The following LARGE1 variants were observed in gnomAD, a reference collection of about 807,000 sequenced individuals.
LARGE1 encodes xylosyl- and glucuronyltransferase LARGE1.
LARGE1 carries 43 observed loss-of-function variants against 87.6 expected under a neutral mutation model. The ratio of observed to expected loss-of-function variants is 0.49; its 90% confidence interval spans 0.38 to 0.63. The LOEUF (loss-of-function observed/expected upper bound fraction) is 0.63. LARGE1 is among the 30% of genes least tolerant of loss of function. LARGE1 has a pLI of 0.00. For missense variants in LARGE1, 802 were observed against 1,000.2 expected, an observed-to-expected ratio of 0.80 and a Z score of 2.67; for synonymous variants, 434 against 394.6, an observed-to-expected ratio of 1.10 and a Z score of -1.18.
chr22:33,524,452 A>G (rs558935127), intron 6 of LARGE1, among the ~76,000 whole-genome samples: 2 of 152,204 alleles, frequency 1.3e-5, no homozygotes, highest in African/African-American at 4.8e-5. Context: ...GTTTCTTAGT[A>G]CAGGATCAGA....
intron 2 of LARGE1, among the ~76,000 whole-genome samples, chr22:33,659,744 T>TAA (rs71187276): frequency 0.033 from 4,047 of 122,002 alleles, 229 homozygotes; most frequent in African/African-American, 0.1. Flanking sequence ...GAAGAACAGT[T>TAA]AAAAAAAAAA....
At chr22:33,846,527 A>G (rs1374658659) in intron 1 of LARGE1, among the ~76,000 whole-genome samples, 1 of 152,252 alleles carries the variant, frequency 6.6e-6, no homozygotes, top group Non-Finnish European at 1.5e-5. Context: ...GATAACAGCA[A>G]TTGTTCAGGG....
intron 6 of LARGE1, among the ~76,000 whole-genome samples, chr22:33,435,115 C>A (rs545863322): frequency 6.6e-5 from 10 of 152,226 alleles, no homozygotes; most frequent in African/African-American, 2.4e-4. Context: ...GATTCTCCTG[C>A]CTCAGCCTCC....
intron 2 of LARGE1, among the ~76,000 whole-genome samples, chr22:33,710,197 A>T (rs2082691243): frequency 6.6e-6 from 1 of 152,152 alleles, no homozygotes; most frequent in Non-Finnish European, 1.5e-5. Flanking sequence ...GAGATTGAAA[A>T]AAAAAAACAA....
At chr22:33,515,648 C>T (rs187242820) in intron 6 of LARGE1, among the ~76,000 whole-genome samples, 1 of 152,324 alleles carries the variant, frequency 6.6e-6, no homozygotes, top group East Asian at 1.9e-4. Context: ...GAAACCCCCT[C>T]ATTTTATACA....
chr22:33,714,194 C>T (rs2082843162), intron 2 of LARGE1, among the ~76,000 whole-genome samples: 1 of 152,148 alleles, frequency 6.6e-6, no homozygotes, highest in East Asian at 1.9e-4. Context: ...TGTTGCCCCT[C>T]TTCCATCACA....
At position 33,570,168 on chromosome 22, in the gene LARGE1, T is replaced by C. The variant is rs1313380194; in HGVS notation, c.616-5149A>G. 2.6e-5 allele frequency among the ~76,000 whole-genome samples: 4 copies of C among 152,158 alleles called. No homozygotes were observed. In the South Asian group the frequency reaches 6.2e-4, roughly 24 times the overall value. On this transcript the variant is annotated intron_variant, in intron 5 of 14. Coordinates refer to ENST00000397394, the MANE Select transcript of LARGE1 (RefSeq NM_133642.5). ...TGGAAAATGGGGGCCTACAATGTTATAGTATTCACAGGAGAAGGCACAGCA... is the reference window on the plus strand; with the variant it reads ...TGGAAAATGGGGGCCTACAATGTTACAGTATTCACAGGAGAAGGCACAGCA...
rs5994684 is a variant in LARGE1, at chr22:33,166,882, G to T, written c.1731-50C>A. ...GGGTTGATTCAAAGTGTGTTCTGTG[G>T]TTATTTGTTCTATGCAATGATACTG... On this transcript the variant is annotated intron_variant, in intron 11 of 11. Transcript: ENST00000608642. 348 of 471,024 alleles carry T rather than the reference G, an allele frequency of 7.4e-4. 1 individual carries two copies. The highest frequency in any genetic ancestry group is 6.5e-3 in the African/African-American group (325 of 50,168). The allele number at this position is 471,024 out of a possible 1,614,324, so 29.2% of individuals were successfully genotyped here. A position where few individuals can be genotyped will look rare whatever the true frequency, so the allele number is the denominator to read the frequency against.
At chr22:33,077,911 A>C in the LARGE1 span, among the ~76,000 whole-genome samples, 1 of 152,052 alleles carries the variant, frequency 6.6e-6, no homozygotes, top group Non-Finnish European at 1.5e-5. Flanking sequence ...TCCATCTAGG[A>C]TGAAGGTGTT....
chr22:33,225,000 A>T (rs983905529), intron 11 of LARGE1, among the ~76,000 whole-genome samples: 8 of 152,236 alleles, frequency 5.3e-5, no homozygotes, highest in Non-Finnish European at 7.3e-5. Context: ...CAGGTCGCTG[A>T]CTGGAAACCC....
chr22:33,460,686 T>G (rs2068339868), intron 6 of LARGE1, among the ~76,000 whole-genome samples: 1 of 152,112 alleles, frequency 6.6e-6, no homozygotes, highest in Non-Finnish European at 1.5e-5. Context: ...AGCATTGGTT[T>G]TAATGGGGCA....
chr22:33,739,830 G>A (rs767855024), intron 2 of LARGE1, among the ~76,000 whole-genome samples: 2 of 152,174 alleles, frequency 1.3e-5, no homozygotes, highest in Admixed American at 6.5e-5. Flanking sequence ...GAATCACTGA[G>A]AGCCAAAGAT....
intron 2 of LARGE1, among the ~76,000 whole-genome samples, chr22:33,751,620 G>C (rs934752660): frequency 1.3e-5 from 2 of 152,172 alleles, no homozygotes; most frequent in East Asian, 1.9e-4. Flanking sequence ...GAATTGGTAA[G>C]AGCCTACATT....
intron 6 of LARGE1, among the ~76,000 whole-genome samples, chr22:33,564,584 T>C (rs2077966073): frequency 6.6e-6 from 1 of 152,202 alleles, no homozygotes; most frequent in Non-Finnish European, 1.5e-5. Context: ...CACTCCGCTA[T>C]CTGCATACAA....
intron 5 of LARGE1, among the ~76,000 whole-genome samples, chr22:33,590,028 C>T (rs749894798): frequency 6.6e-6 from 1 of 152,114 alleles, no homozygotes; most frequent in Non-Finnish European, 1.5e-5. Flanking sequence ...AGTTCAATAA[C>T]TACTGATATT....
chr22:33,344,288 T>A (rs1939488550), intron 9 of LARGE1, among the ~76,000 whole-genome samples: 1 of 152,198 alleles, frequency 6.6e-6, no homozygotes, highest in Non-Finnish European at 1.5e-5. Flanking sequence ...GATAGTAAGA[T>A]GAGCACTGAT....
chr22:33,103,381 C>T, the LARGE1 span, among the ~76,000 whole-genome samples: 669 of 124,674 alleles, frequency 5.4e-3, 3 homozygotes, highest in Non-Finnish European at 6.4e-3. Flanking sequence ...TGCAGTGAGC[C>T]GAGATTGTGC....
At chr22:33,643,940 A>T (rs776663570) in intron 3 of LARGE1, among the ~76,000 whole-genome samples, 9 of 152,320 alleles carry the variant, frequency 5.9e-5, no homozygotes, top group Non-Finnish European at 8.8e-5. Context: ...AACCAAAAAA[A>T]GCCCAGGACC....
intron 1 of LARGE1, among the ~76,000 whole-genome samples, chr22:33,880,884 G>A (rs997804941): frequency 7.9e-5 from 12 of 152,120 alleles, no homozygotes; most frequent in Admixed American, 6.5e-5. Flanking sequence ...GGATGGAAGC[G>A]AGATTTATTT....
Sources: allele counts gnomAD v4.1 joint callset (sites outside exome capture counted in the v4.1 genomes callset), GRCh38; gene constraint gnomAD v4.1.1; transcripts MANE v1.5; gene names NCBI Gene and HGNC (gene_info 2026-07-23, HGNC 2026-07-21).